Variants in NEK9 observed in about 807,000 individuals in gnomAD.
NEK9 encodes NIMA related kinase 9, also known as serine/threonine-protein kinase Nek9.
A neutral mutation model predicts 123.4 loss-of-function variants in NEK9; 75 were observed. That is an observed-to-expected ratio of 0.61 (90% CI 0.50 to 0.74). The LOEUF (loss-of-function observed/expected upper bound fraction) is 0.74. Among genes scored for constraint, NEK9 ranks in the 30% least tolerant of loss-of-function variants. NEK9 has a pLI of 0.00. For missense variants in NEK9, 952 were observed against 1,214.4 expected (o/e 0.78, Z 3.21); for synonymous variants, 438 against 458.7 (o/e 0.95, Z 0.58).
chr14:75,104,077 A>C, intron 13 of NEK9, 80 bp from the exon 14 acceptor site: 4 of 1,395,760 alleles, frequency 2.9e-6, no homozygotes, highest in Non-Finnish European at 3.9e-6. Flanking sequence ...CTTTCAAAAG[A>C]GACATGCTGC....
chr14:75,119,865 T>A (rs1193420055), intron 4 of NEK9, among the ~76,000 whole-genome samples: 3 of 152,228 alleles, frequency 2.0e-5, no homozygotes, highest in African/African-American at 7.2e-5. Flanking sequence ...TTGTTACTTT[T>A]AAAAAGAAAA....
chr14:75,100,338 C>G (rs867905936), intron 16 of NEK9, among the ~76,000 whole-genome samples: 1 of 151,618 alleles, frequency 6.6e-6, no homozygotes, highest in Non-Finnish European at 1.5e-5. Flanking sequence ...CCCAGCTACT[C>G]GGGAGGCTGA....
At chr14:75,113,623 G>T (rs1895028541) in intron 7 of NEK9, among the ~76,000 whole-genome samples, 1 of 152,198 alleles carries the variant, frequency 6.6e-6, no homozygotes, top group Non-Finnish European at 1.5e-5. Context: ...AGTTAGGGCA[G>T]TGGCTCTTGA....
intron 16 of NEK9, among the ~76,000 whole-genome samples, chr14:75,098,324 A>T (rs1378900247): frequency 6.6e-6 from 1 of 152,022 alleles, no homozygotes; most frequent in African/African-American, 2.4e-5. Flanking sequence ...CTTTTAAAAA[A>T]AAATGAAACA....
chr14:75,116,594 T>G (rs1253091013), intron 6 of NEK9: 1 of 258,384 alleles, frequency 3.9e-6, no homozygotes. Context: ...TATTCCATTT[T>G]TTGCTTTTAA....
At chr14:75,091,513 G>A (rs1314094009) in intron 18 of NEK9, 35 bp from the exon 19 acceptor site, 1 of 1,483,622 alleles carries the variant, frequency 6.7e-7, no homozygotes, top group African/African-American at 1.4e-5. Flanking sequence ...AGACAGCTTT[G>A]CTATGCAGCA....
At chr14:75,094,571 A>C (rs1387810274) in intron 18 of NEK9, among the ~76,000 whole-genome samples, 1 of 152,016 alleles carries the variant, frequency 6.6e-6, no homozygotes, top group Non-Finnish European at 1.5e-5. Context: ...TGAGGTGGGC[A>C]GATCACTTGA....
intron 5 of NEK9, among the ~76,000 whole-genome samples, chr14:75,118,339 T>C (rs1398508922): frequency 6.6e-6 from 1 of 152,204 alleles, no homozygotes; most frequent in African/African-American, 2.4e-5. Flanking sequence ...TCAACTTATG[T>C]CTACTCTTTA....
chr14:75,086,871 A>T, intron 21 of NEK9, 147 bp downstream of exon 21: 1 of 772,822 alleles, frequency 1.3e-6, no homozygotes, highest in Non-Finnish European at 2.1e-6. Flanking sequence ...GCACCACTGC[A>T]CTCTGGCCTG....
intron 2 of NEK9, among the ~76,000 whole-genome samples, chr14:75,121,863 A>C (rs1895348435): frequency 1.3e-5 from 2 of 152,158 alleles, no homozygotes; most frequent in African/African-American, 4.8e-5. Context: ...GTGAGAGTCT[A>C]TCTCAGGAAA....
In NEK9 at chr14:75,083,639, CAAAG is replaced by C. The variant is rs1302340202; in HGVS notation, c.*921_*924del. ...CCTAAGAGCCATGAAGGCAGAGGCT[CAAAG>C]AAGTCTTTTCATGGGCAGAAGACTG... On this transcript the variant is annotated 3_prime_UTR_variant, in exon 22 of 22. Transcript: ENST00000238616. 1 of 152,200 alleles carries C rather than the reference CAAAG, an allele frequency of 6.6e-6. No homozygotes were observed. The highest frequency in any genetic ancestry group is 1.5e-5 in the Non-Finnish European group (1 of 68,034). The allele number at this position is 152,200 out of a possible 1,614,324, so 9.4% of individuals were successfully genotyped here. A position where few individuals can be genotyped will look rare whatever the true frequency, so the allele number is the denominator to read the frequency against.
chr14:75,121,608 G>A (rs557413192), intron 2 of NEK9, among the ~76,000 whole-genome samples: 1 of 152,194 alleles, frequency 6.6e-6, no homozygotes, highest in Non-Finnish European at 1.5e-5. Flanking sequence ...CAGCACTTTG[G>A]GAGGCTGAGG....
Position 75,113,367 on chromosome 14 carries a change from C to T in NEK9, c.910G>A (p.Asp304Asn). 6.2e-7 allele frequency: 1 copy of T among 1,613,728 alleles called. No homozygotes were observed. The highest frequency in any genetic ancestry group is 8.5e-7 in the Non-Finnish European group (1 of 1,179,718). The change falls in exon 8 of 22, where the codon GAT becomes AAT. Residue 304 changes from aspartate to asparagine, a missense_variant. By Grantham distance (23) the Asp-to-Asn change is conservative. Around this residue, in one of 4 missense-constraint regions of NEK9, gnomAD observed 698 missense variants for 875.6 expected, o/e 0.80. Transcript: ENST00000238616. ...EQRPTADELL[D>N]RPLLRKRRRE... ...CTGCGTTTCCTGAGAAGAGGGCGAT[C>T]TAGAAGTTCATCTGCAGTAGGTCTC...
chr14:75,127,143 C>A, upstream of NEK9: 1 of 476,068 alleles, frequency 2.1e-6, no homozygotes, highest in Admixed American at 4.4e-5. Flanking sequence ...GTCTAGCGGC[C>A]AAGGCTTCCC....
chr14:75,118,562 C>A (rs1566658952), intron 5 of NEK9, among the ~76,000 whole-genome samples: 1 of 152,166 alleles, frequency 6.6e-6, no homozygotes, highest in Admixed American at 6.5e-5. Context: ...TACTAAAGAT[C>A]CTAACCTGGA....
rs983249471 is a variant in NEK9, at chr14:75,082,625, C to G, written c.*1939G>C. 5 of 205,146 alleles carry G rather than the reference C, an allele frequency of 2.4e-5. No homozygotes were observed. Among genetic ancestry groups the G allele is most frequent in the South Asian group, 3.8e-4 (2 of 5,250 alleles). The allele number at this position is 205,146 out of a possible 1,614,324, so 12.7% of individuals were successfully genotyped here. On this transcript the variant is annotated 3_prime_UTR_variant, in exon 22 of 22. Transcript: ENST00000238616. ...AACAAGACCAGGGCACTCACCCACC[C>G]CCGGCACTCACTTTCACCCCACCTT... is the stretch of plus-strand genomic sequence containing the variant.
chr14:75,086,156 T>C (rs1894017755), intron 21 of NEK9, among the ~76,000 whole-genome samples: 1 of 151,344 alleles, frequency 6.6e-6, no homozygotes, highest in African/African-American at 2.4e-5. Context: ...GCCACTGCAC[T>C]CCAGCCTGGG....
intron 18 of NEK9, among the ~76,000 whole-genome samples, chr14:75,094,784 A>T (rs990933819): frequency 7.9e-5 from 12 of 152,224 alleles, no homozygotes; most frequent in South Asian, 2.1e-4. Flanking sequence ...TGCCTCAAAA[A>T]AAATAAATAA....
At chr14:75,120,828 G>A in intron 3 of NEK9, 1 of 585,076 alleles carries the variant, frequency 1.7e-6, no homozygotes, top group South Asian at 2.1e-5. Context: ...CAGACATGTA[G>A]GAAAATTCAG....
Sources: allele counts gnomAD v4.1 joint callset (sites outside exome capture counted in the v4.1 genomes callset), GRCh38; gene constraint gnomAD v4.1.1; regional missense constraint gnomAD v4.1.1; transcripts MANE v1.5; gene names NCBI Gene and HGNC (gene_info 2026-07-23, HGNC 2026-07-21).